The following ZNF292 variants were observed in gnomAD, a reference collection of about 807,000 sequenced individuals.
The protein encoded by ZNF292 is 16 zinc-finger domain protein.
ZNF292 carries 26 observed loss-of-function variants against 217.9 expected under a neutral mutation model. The observed-to-expected ratio is 0.12, with a 90% confidence interval of 0.09 to 0.17. The LOEUF is 0.17. Ranked by LOEUF, ZNF292 falls within the 10% of genes least tolerant of loss-of-function variation. The pLI, the probability that ZNF292 is intolerant of heterozygous loss-of-function variation, is 1.00. For synonymous variants in ZNF292, 1,257 were observed against 1,124.1 expected (o/e 1.12, Z -2.37); for missense variants, 2,904 against 3,175.2 (o/e 0.91, Z 2.05).
intron 1 of ZNF292, among the ~76,000 whole-genome samples, chr6:87,195,064 A>G (rs2127785395): frequency 6.6e-6 from 1 of 152,350 alleles, no homozygotes; most frequent in South Asian, 2.1e-4. Context: ...TTTAGAAAGT[A>G]ATAGGACATA....
At position 87,162,838 on chromosome 6, in the gene ZNF292, G is replaced by C. The variant is rs144965250; in HGVS notation, c.168+7079G>C. 5.6e-3 allele frequency among the ~76,000 whole-genome samples: 851 copies of C among 152,214 alleles called. 26 individuals are homozygous for C. The highest frequency in any genetic ancestry group is 0.045 in the Admixed American group (681 of 15,282). On this transcript the variant is annotated intron_variant, in intron 1 of 7. Transcript: ENST00000369577. ...TCTTGAGATTCTGTCAAAGGTGAGA[G>C]GTTACATTATTTTTCCCAACTCCTA...
intron 1 of ZNF292, among the ~76,000 whole-genome samples, chr6:87,189,466 T>C (rs1270597438): frequency 6.6e-6 from 1 of 152,082 alleles, no homozygotes; most frequent in Non-Finnish European, 1.5e-5. Context: ...TTTTTTTCTG[T>C]TCCAGAATCC....
At chr6:87,181,313 A>G (rs1035262222) in intron 1 of ZNF292, among the ~76,000 whole-genome samples, 4 of 152,126 alleles carry the variant, frequency 2.6e-5, no homozygotes, top group African/African-American at 7.2e-5. Flanking sequence ...GGTGGGGGAT[A>G]TAATCTTCCC....
At chr6:87,214,258 C>G in intron 1 of ZNF292, among the ~76,000 whole-genome samples, 1 of 152,098 alleles carries the variant, frequency 6.6e-6, no homozygotes, top group East Asian at 1.9e-4. Flanking sequence ...TTAACAATGC[C>G]AAGAGGGTAC....
intron 7 of ZNF292, among the ~76,000 whole-genome samples, chr6:87,248,274 C>A (rs1050392731): frequency 1.3e-5 from 2 of 152,032 alleles, no homozygotes; most frequent in African/African-American, 4.8e-5. Context: ...TTATAAGTAC[C>A]TTTTAAAATC....
rs1459416431 is a variant in ZNF292 at position 87,216,473 on chromosome 6, A to G, written c.402+96A>G. ...ATTCAGTTAAACTTTAAGACATCTC[A>G]ATAATGACAGACATTAATTACTGAT... On this transcript the variant is annotated intron_variant, in intron 3 of 7. Transcript: ENST00000369577. The G allele has an allele frequency of 1.2e-5, 10 of 842,672 alleles. 1 individual carries two copies. In the East Asian group the frequency reaches 1.9e-4, roughly 16 times the overall value. The allele number at this position is 842,672 out of a possible 1,614,324, so 52.2% of individuals were successfully genotyped here.
At chr6:87,241,763 G>A (rs1051181151) in intron 5 of ZNF292, among the ~76,000 whole-genome samples, 1 of 152,130 alleles carries the variant, frequency 6.6e-6, no homozygotes, top group Non-Finnish European at 1.5e-5. Context: ...TTGGATTTGT[G>A]GCTTAACCAC....
rs60845773 is a variant in ZNF292, at chr6:87,264,432, T to C, written c.*2631T>C. Among the ~76,000 whole-genome samples the C allele has an allele frequency of 0.082, 12,440 of 152,286 alleles. 861 individuals carry two copies. The highest frequency in any genetic ancestry group is 0.19 in the African/African-American group (7,761 of 41,524). On this transcript the variant is annotated 3_prime_UTR_variant, in exon 8 of 8. Coordinates refer to ENST00000369577, the MANE Select transcript of ZNF292 (RefSeq NM_015021.3). ...TTATTTTAAAGGGCTAGACATATTT[T>C]TAAGGCAAATTTTTATCAAGTGAGC...
intron 1 of ZNF292, among the ~76,000 whole-genome samples, chr6:87,211,491 G>A (rs1772484310): frequency 1.3e-5 from 2 of 152,160 alleles, no homozygotes; most frequent in South Asian, 4.1e-4. Context: ...AGACTATGAG[G>A]ATTTGAATCC....
At chr6:87,160,161 T>C (rs1423071865) in intron 1 of ZNF292, among the ~76,000 whole-genome samples, 1 of 152,220 alleles carries the variant, frequency 6.6e-6, no homozygotes, top group East Asian at 1.9e-4. Flanking sequence ...CAGATAATCG[T>C]AGTAAACTAT....
intron 1 of ZNF292, among the ~76,000 whole-genome samples, chr6:87,160,513 G>GTATATA (rs5878018): frequency 0.011 from 1,703 of 148,648 alleles, 25 homozygotes; most frequent in Non-Finnish European, 0.017. Context: ...GTGTGTGTGT[G>GTATATA]TATATATATG....
intron 5 of ZNF292, among the ~76,000 whole-genome samples, chr6:87,242,964 T>G (rs1266533221): frequency 2.0e-5 from 3 of 152,108 alleles, no homozygotes; most frequent in African/African-American, 7.2e-5. Context: ...TTAAAAGTGG[T>G]ACAGTTACAT....
intron 1 of ZNF292, among the ~76,000 whole-genome samples, chr6:87,159,495 C>CTTTTT (rs772140637): frequency 8.0e-6 from 1 of 124,488 alleles, no homozygotes; most frequent in African/African-American, 3.2e-5. Flanking sequence ...TCTTTTCTTT[C>CTTTTT]TTTTTTTTTT....
At chr6:87,243,357 A>G (rs1338666804) in intron 5 of ZNF292, 118 bp from the exon 6 acceptor site, 3 of 832,872 alleles carry the variant, frequency 3.6e-6, no homozygotes, top group Non-Finnish European at 5.0e-6. Context: ...TAGTGTATGA[A>G]TTAATGGCAT....
Position 87,259,761 on chromosome 6 carries a change from T to A in ZNF292, c.6132T>A (p.Leu2044=), listed in dbSNP as rs1775454736. 3.1e-6 allele frequency: 5 copies of A among 1,602,116 alleles called. No homozygotes were observed. The highest frequency in any genetic ancestry group is 3.4e-6 in the Non-Finnish European group (4 of 1,174,284). Residue 2044 remains leucine, a synonymous_variant, in exon 8 of 8, where the codon CTT becomes CTA. Transcript: ENST00000369577. The part of the protein sequence containing the change: ...SNVAVIPEKQ[L]VEKKSPDKTE... Reference sequence around the variant, plus strand: ...TAGCAGTGATCCCAGAAAAACAACTTGTAGAAAAAAAAAGTCCTGACAAAA... The same window carrying A: ...TAGCAGTGATCCCAGAAAAACAACTAGTAGAAAAAAAAAGTCCTGACAAAA...
chr6:87,233,007 G>GA (rs1441530716), intron 4 of ZNF292, among the ~76,000 whole-genome samples: 16 of 151,590 alleles, frequency 1.1e-4, no homozygotes, highest in East Asian at 7.7e-4. Context: ...ACTGCTGTAG[G>GA]AAAAAAAATT....
chr6:87,251,177 G>A (rs927719065), intron 7 of ZNF292, among the ~76,000 whole-genome samples: 1 of 152,178 alleles, frequency 6.6e-6, no homozygotes, highest in Admixed American at 6.5e-5. Context: ...TAGAGGGAAA[G>A]ATAAAAGAGG....
intron 1 of ZNF292, among the ~76,000 whole-genome samples, chr6:87,214,706 A>G (rs537867087): frequency 6.6e-6 from 1 of 152,264 alleles, no homozygotes; most frequent in East Asian, 1.9e-4. Context: ...GGGAAAGGAA[A>G]GGAAAGGATT....
chr6:87,226,339 G>A (rs1485938963), intron 4 of ZNF292, among the ~76,000 whole-genome samples: 1 of 151,940 alleles, frequency 6.6e-6, no homozygotes, highest in African/African-American at 2.4e-5. Flanking sequence ...GCATTTTAAA[G>A]TGAAAATGGA....
Sources: gnomAD v4.1 joint callset for allele counts (sites outside exome capture counted in the v4.1 genomes callset) on GRCh38, gnomAD v4.1.1 for gene constraint, MANE v1.5 for transcripts, NCBI Gene and HGNC (gene_info 2026-07-23, HGNC 2026-07-21) for gene names.